Variants in XRCC4 observed in about 807,000 individuals in gnomAD.
XRCC4 encodes the protein X-ray repair cross complementing 4.
Under a neutral mutation model 39.1 loss-of-function variants are expected in XRCC4, and 28 were observed. The ratio of observed to expected loss-of-function variants is 0.72; its 90% CI spans 0.53 to 0.98. The LOEUF (loss-of-function observed/expected upper bound fraction) is 0.98, where lower values mean the gene tolerates loss of function less well. Ranked by LOEUF, XRCC4 falls within the 50% of genes least tolerant of loss-of-function variation. The probability of loss-of-function intolerance (pLI) is 0.00; values close to 1 mark genes in which losing one functional copy is unlikely to be tolerated. For synonymous variants in XRCC4, 123 were observed against 126.4 expected (o/e 0.97, Z 0.18); for missense variants, 350 against 376.4 (o/e 0.93, Z 0.58).
chr5:83,201,828 G>A (rs111256890), intron 4 of XRCC4: 9,555 of 152,406 alleles, frequency 0.063, 995 homozygotes, highest in East Asian at 0.47. Flanking sequence ...TGGATCACGA[G>A]CTCAGGAGTT....
chr5:83,297,142 TA>T (rs149858002), intron 7 of XRCC4, among the ~76,000 whole-genome samples: 2,203 of 152,018 alleles, frequency 0.014, 64 homozygotes, highest in African/African-American at 0.051. Context: ...CTGAATATGG[TA>T]ACATTTCAAA....
intron 1 of XRCC4, among the ~76,000 whole-genome samples, chr5:83,095,579 A>G (rs1745638789): frequency 1.3e-5 from 2 of 152,018 alleles, no homozygotes; most frequent in African/African-American, 4.8e-5. Context: ...CCAGTTGCTC[A>G]GACTGGCTAG....
At chr5:83,118,666 A>G (rs1360192632) in intron 3 of XRCC4, among the ~76,000 whole-genome samples, 1 of 152,198 alleles carries the variant, frequency 6.6e-6, no homozygotes, top group East Asian at 1.9e-4. Context: ...ATGTAGTCAC[A>G]TGGCTTCACC....
chr5:83,203,433 C>A, intron 4 of XRCC4, 119 bp from the exon 5 acceptor site: 1 of 806,286 alleles, frequency 1.2e-6, no homozygotes, highest in Non-Finnish European at 1.8e-6. Context: ...TCAGTGAAAG[C>A]ATATGTGAAA....
intron 3 of XRCC4, among the ~76,000 whole-genome samples, chr5:83,192,014 C>A (rs1437047299): frequency 2.6e-5 from 4 of 151,948 alleles, no homozygotes; most frequent in Non-Finnish European, 2.9e-5. Flanking sequence ...CCGGAATAGA[C>A]AAACCCCTGG....
intron 7 of XRCC4, among the ~76,000 whole-genome samples, chr5:83,281,212 C>T (rs1330016687): frequency 1.3e-5 from 2 of 152,162 alleles, no homozygotes; most frequent in African/African-American, 2.4e-5. Flanking sequence ...TCCTTCTTTC[C>T]ATGCCTCCTT....
At chr5:83,132,571 T>C (rs956558785) in intron 3 of XRCC4, among the ~76,000 whole-genome samples, 4 of 152,150 alleles carry the variant, frequency 2.6e-5, no homozygotes, top group Admixed American at 6.6e-5. Flanking sequence ...TCGGAGGCTT[T>C]GTTCATTTCT....
downstream of XRCC4, chr5:83,356,645 A>G (rs748301222): frequency 2.4e-6 from 1 of 419,352 alleles, no homozygotes; most frequent in Non-Finnish European, 4.7e-6. Flanking sequence ...TTATATAGAC[A>G]GAGATCTACA....
intron 1 of XRCC4, among the ~76,000 whole-genome samples, chr5:83,088,761 G>A (rs1308975444): frequency 6.6e-6 from 1 of 152,116 alleles, no homozygotes; most frequent in Non-Finnish European, 1.5e-5. Flanking sequence ...GATTGTTGAT[G>A]CATATAACAT....
chr5:83,295,592 A>G (rs1397689116), intron 7 of XRCC4, among the ~76,000 whole-genome samples: 1 of 152,064 alleles, frequency 6.6e-6, no homozygotes, highest in Non-Finnish European at 1.5e-5. Flanking sequence ...GTAAACAGAA[A>G]GTACTCATCT....
At position 83,111,226 on chromosome 5, in the gene XRCC4, T is replaced by G. The variant is rs759275118; in HGVS notation, c.315+23T>G. ...TCAGTAAGTAAAACTTTCCAAAATGTTACATAGTAAAATGTCAGAGCATTT... is the reference window on the plus strand; with the variant it reads ...TCAGTAAGTAAAACTTTCCAAAATGGTACATAGTAAAATGTCAGAGCATTT... On this transcript the variant is annotated intron_variant, in intron 3 of 7. Coordinates refer to ENST00000396027, the MANE Select transcript of XRCC4 (RefSeq NM_003401.5). 3.7e-5 allele frequency: 57 copies of G among 1,543,398 alleles called. 1 individual carries two copies. In the African/African-American group the frequency reaches 7.4e-4, roughly 20 times the overall value.
At chr5:83,360,489 C>G in the XRCC4 span, among the ~76,000 whole-genome samples, 2 of 152,120 alleles carry the variant, frequency 1.3e-5, no homozygotes, top group African/African-American at 4.8e-5. Context: ...TTAAATGATT[C>G]TCATGAATAT....
chr5:83,220,731 G>T (rs1752051639), intron 6 of XRCC4, among the ~76,000 whole-genome samples: 1 of 152,046 alleles, frequency 6.6e-6, no homozygotes, highest in Non-Finnish European at 1.5e-5. Flanking sequence ...TAACACCCAG[G>T]ATTTTTTGAG....
chr5:83,089,383 A>G (rs887121335), intron 1 of XRCC4, among the ~76,000 whole-genome samples: 1 of 152,250 alleles, frequency 6.6e-6, no homozygotes, highest in African/African-American at 2.4e-5. Flanking sequence ...TGATTATCCC[A>G]ATATCCTTCC....
chr5:83,264,850 G>T (rs1040883043), intron 7 of XRCC4, among the ~76,000 whole-genome samples: 5 of 152,120 alleles, frequency 3.3e-5, no homozygotes, highest in South Asian at 4.2e-4. Context: ...TTTATATATA[G>T]AGAGAGTTAT....
chr5:83,144,062 TC>T (rs1389935040), intron 3 of XRCC4, among the ~76,000 whole-genome samples: 1 of 152,022 alleles, frequency 6.6e-6, no homozygotes, highest in Non-Finnish European at 1.5e-5. Flanking sequence ...CCCTCTGCCT[TC>T]CCCCCTTCTG....
chr5:83,174,512 C>T (rs1210754428), intron 3 of XRCC4, among the ~76,000 whole-genome samples: 2 of 152,146 alleles, frequency 1.3e-5, no homozygotes, highest in Non-Finnish European at 2.9e-5. Flanking sequence ...AATGTGGTTA[C>T]TAAATTGTCA....
intron 1 of XRCC4, among the ~76,000 whole-genome samples, chr5:83,082,176 C>A (rs1396227851): frequency 6.6e-6 from 1 of 152,164 alleles, no homozygotes; most frequent in Non-Finnish European, 1.5e-5. Context: ...GTTCTCTCTG[C>A]TTTTTTCAGT....
At chr5:83,272,933 G>T (rs1754193901) in intron 7 of XRCC4, among the ~76,000 whole-genome samples, 1 of 152,062 alleles carries the variant, frequency 6.6e-6, no homozygotes, top group South Asian at 2.1e-4. Flanking sequence ...ATCCTTTGGG[G>T]ATATACCCAG....
Sources: gnomAD v4.1 joint callset for allele counts (sites outside exome capture counted in the v4.1 genomes callset) on GRCh38, gnomAD v4.1.1 for gene constraint, MANE v1.5 for transcripts, NCBI Gene and HGNC (gene_info 2026-07-23, HGNC 2026-07-21) for gene names.